The following PXDNL variants were observed in gnomAD, a reference collection of about 807,000 sequenced individuals.
PXDNL encodes peroxidasin like, also known as probable oxidoreductase PXDNL.
A neutral mutation model predicts 150.8 loss-of-function variants in PXDNL; 145 were observed. That is an observed-to-expected ratio of 0.96 (90% confidence interval 0.84 to 1.10). The LOEUF is 1.10. PXDNL is among the 50% of genes least tolerant of loss of function. The probability of loss-of-function intolerance (pLI) is 0.00; values close to 1 mark genes in which losing one functional copy is unlikely to be tolerated. For missense variants in PXDNL, 2,087 were observed against 1,873.9 expected, an observed-to-expected ratio of 1.11 and a Z score of -2.10; for synonymous variants, 757 against 725.7, an observed-to-expected ratio of 1.04 and a Z score of -0.69.
intron 17 of PXDNL, among the ~76,000 whole-genome samples, chr8:51,386,246 C>A (rs1448533330): frequency 6.6e-6 from 1 of 152,108 alleles, no homozygotes; most frequent in Admixed American, 6.5e-5. Context: ...GCACGTGCCA[C>A]CATGCCCGGC....
At chr8:51,321,823 A>C (rs1805325401) in intron 21 of PXDNL, among the ~76,000 whole-genome samples, 1 of 152,158 alleles carries the variant, frequency 6.6e-6, no homozygotes, top group African/African-American at 2.4e-5. Context: ...ACTAACACAG[A>C]AGCCACACTC....
chr8:51,449,517 T>C (rs948854882), intron 10 of PXDNL, among the ~76,000 whole-genome samples: 2 of 152,208 alleles, frequency 1.3e-5, no homozygotes, highest in Non-Finnish European at 1.5e-5. Flanking sequence ...TTGAAACGAG[T>C]TGATCTTTCG....
chr8:51,652,443 A>T lies in PXDNL; in HGVS notation c.236+2246T>A, dbSNP rs865954633. ...CTCTGTCTCTCTCTCTCTCTCTCAC[A>T]CACACACACACACACACAAACACAC... is the stretch of plus-strand genomic sequence containing the variant. On this transcript the variant is annotated intron_variant, in intron 2 of 22. Coordinates refer to ENST00000356297, the MANE Select transcript of PXDNL (RefSeq NM_144651.5). Among the ~76,000 whole-genome samples, 198 of 146,034 alleles carry T rather than the reference A, an allele frequency of 1.4e-3. 4 individuals carry two copies. In the South Asian group the frequency reaches 0.038, roughly 28 times the overall value.
intron 12 of PXDNL, among the ~76,000 whole-genome samples, chr8:51,436,750 A>G (rs967783142): frequency 6.6e-6 from 1 of 152,204 alleles, no homozygotes; most frequent in South Asian, 2.1e-4. Flanking sequence ...CTACACCATG[A>G]AGTCTGAAAG....
intron 1 of PXDNL, among the ~76,000 whole-genome samples, chr8:51,689,905 G>A (rs1815955090): frequency 6.6e-6 from 1 of 152,160 alleles, no homozygotes; most frequent in Non-Finnish European, 1.5e-5. Context: ...CACTGCCACA[G>A]GGATGTCTCC....
Position 51,426,755 on chromosome 8 carries a change from A to G in PXDNL, c.1529T>C (p.Leu510Pro). 1 of 1,569,874 alleles carries G rather than the reference A, an allele frequency of 6.4e-7. No individual in the cohort carries two copies. The highest frequency in any genetic ancestry group is 8.7e-7 in the Non-Finnish European group (1 of 1,149,260). The change falls in exon 13 of 23, where the codon CTT (leucine) becomes CCT (proline). Residue 510 changes from leucine to proline, a missense_variant. Leu to Pro is a moderately conservative substitution (Grantham distance 98, BLOSUM62 -3). Coordinates refer to ENST00000356297, the MANE Select transcript of PXDNL (RefSeq NM_144651.5). ...SVQLTVKPKA[L>P]AVFTQLPQDT... ...CTGAGGAAGTTGAGTAAACACTGCA[A>G]GAGCTGTGGAAACAAACCAAAATAA...
Position 51,447,027 on chromosome 8 carries a change from A to G in PXDNL, c.1502T>C (p.Val501Ala), listed in dbSNP as rs971148889. 5 of 1,613,846 alleles carry G rather than the reference A, an allele frequency of 3.1e-6. No homozygotes were observed. The African/African-American group carries it at 6.7e-5, about 22-fold the overall frequency. ...ACCTTTGGGTTTTACAGTCAGCTGC[A>G]CAGACACCTTTTTCACCCCCAACGA... ...VSSLGVKKVS[V>A]QLTVKPKALA... The change falls in exon 12 of 23, where the codon GTG (valine) becomes GCG (alanine). Residue 501 changes from valine (V) to alanine (A), a missense_variant. Coordinates refer to ENST00000356297, the MANE Select transcript of PXDNL (RefSeq NM_144651.5).
At chr8:51,494,321 A>G (rs947913817) in intron 5 of PXDNL, among the ~76,000 whole-genome samples, 1 of 152,204 alleles carries the variant, frequency 6.6e-6, no homozygotes, top group Admixed American at 6.5e-5. Flanking sequence ...ACCCACTGCA[A>G]AAACATGCCA....
chr8:51,805,193 G>A (rs528753689), intron 1 of PXDNL, among the ~76,000 whole-genome samples: 16 of 151,836 alleles, frequency 1.1e-4, no homozygotes, highest in Middle Eastern at 3.4e-3. Context: ...AAAAGTTCAG[G>A]CCTGTTCATT....
At chr8:51,433,848 A>G (rs1809320284) in intron 12 of PXDNL, among the ~76,000 whole-genome samples, 2 of 152,180 alleles carry the variant, frequency 1.3e-5, no homozygotes, top group Non-Finnish European at 2.9e-5. Context: ...ACATTTTTCC[A>G]ACATATATTC....
intron 1 of PXDNL, among the ~76,000 whole-genome samples, chr8:51,808,205 T>C (rs2129267547): frequency 6.6e-6 from 1 of 152,338 alleles, no homozygotes; most frequent in East Asian, 1.9e-4. Flanking sequence ...TTTAAGCTAT[T>C]TCCCTCTGCC....
chr8:51,705,851 G>A (rs973786119), intron 1 of PXDNL, among the ~76,000 whole-genome samples: 25 of 141,106 alleles, frequency 1.8e-4, no homozygotes, highest in East Asian at 4.3e-4. Context: ...GCGCGCGCGC[G>A]CGTGCATGCA....
intron 3 of PXDNL, among the ~76,000 whole-genome samples, chr8:51,562,792 G>T (rs1412806997): frequency 6.6e-6 from 1 of 151,942 alleles, no homozygotes; most frequent in African/African-American, 2.4e-5. Context: ...GACCATAGAG[G>T]TGCTGAGATG....
chr8:51,383,312 A>G (rs1807603839), intron 17 of PXDNL, among the ~76,000 whole-genome samples: 1 of 152,164 alleles, frequency 6.6e-6, no homozygotes, highest in Non-Finnish European at 1.5e-5. Context: ...TCACTTGTCA[A>G]CTTTCGCCCC....
intron 1 of PXDNL, among the ~76,000 whole-genome samples, chr8:51,800,660 C>A (rs1164798061): frequency 6.6e-6 from 1 of 152,188 alleles, no homozygotes; most frequent in Non-Finnish European, 1.5e-5. Flanking sequence ...CATATCAGTT[C>A]CCAAAATTAA....
Position 51,423,683 on chromosome 8 carries a change from C to T in PXDNL, c.1687G>A (p.Gly563Ser), listed in dbSNP as rs1809016168. Residue 563 changes from glycine to serine, a missense_variant, in exon 14 of 23, where the codon GGC becomes AGC. Gly to Ser is a moderately conservative substitution (Grantham distance 56). Coordinates refer to ENST00000356297, the MANE Select transcript of PXDNL (RefSeq NM_144651.5). ...ESGKFHVDDE[G>S]TLTIYDAGFP... ...CCTGCGTCGTAGATAGTCAGCGTGCCTTCATCATCCACATGGAATTTACCA... is the reference window on the plus strand; with the variant it reads ...CCTGCGTCGTAGATAGTCAGCGTGCTTTCATCATCCACATGGAATTTACCA... 6.2e-7 allele frequency: 1 copy of T among 1,613,804 alleles called. No individual in the cohort carries two copies. Among genetic ancestry groups the T allele is most frequent in the South Asian group, 1.1e-5 (1 of 91,050 alleles).
rs771965713 is a variant in PXDNL at position 51,374,666 on chromosome 8, C to T, written c.3623G>A (p.Gly1208Asp). The T allele has an allele frequency of 1.3e-5, 21 of 1,613,750 alleles. No homozygotes were observed. Among genetic ancestry groups the T allele is most frequent in the Non-Finnish European group, 1.7e-5 (20 of 1,179,824 alleles). Reference sequence around the variant, plus strand: ...CATAAGTGTTGGTCCCACTCTTGTACCAGGAATCAGGTCTTCAACCATAAG... The same window carrying T: ...CATAAGTGTTGGTCCCACTCTTGTATCAGGAATCAGGTCTTCAACCATAAG... Reference protein sequence around the residue: ...PALMVEDLIPGTRVGPTLMCL... With the variant: ...PALMVEDLIPDTRVGPTLMCL... The change falls in exon 18 of 23, where the codon GGT (glycine) becomes GAT (aspartate). Residue 1208 changes from glycine to aspartate, a missense_variant. By Grantham distance (94) the Gly-to-Asp change is moderately conservative. Coordinates refer to ENST00000356297, the MANE Select transcript of PXDNL (RefSeq NM_144651.5).
intron 17 of PXDNL, among the ~76,000 whole-genome samples, chr8:51,381,686 C>T (rs1042036164): frequency 3.3e-5 from 5 of 151,224 alleles, no homozygotes; most frequent in Non-Finnish European, 7.4e-5. Flanking sequence ...CAGAGTCTCA[C>T]TCTGTCGCCC....
intron 5 of PXDNL, among the ~76,000 whole-genome samples, chr8:51,486,452 C>T (rs1385608205): frequency 6.6e-6 from 1 of 151,534 alleles, no homozygotes; most frequent in Non-Finnish European, 1.5e-5. Flanking sequence ...AGTCTCAGTC[C>T]CTTTATGTAT....
Sources: allele counts gnomAD v4.1 joint callset (sites outside exome capture counted in the v4.1 genomes callset), GRCh38; gene constraint gnomAD v4.1.1; transcripts MANE v1.5; gene names NCBI Gene and HGNC (gene_info 2026-07-23, HGNC 2026-07-21).